SLC8A1: variants seen among roughly 807,000 people sequenced by gnomAD.
SLC8A1 encodes the protein solute carrier family 8 member A1.
In SLC8A1, 18 loss-of-function variants were observed where a neutral mutation model predicts 68.3. The observed-to-expected ratio is 0.26, with a 90% CI of 0.18 to 0.39. SLC8A1 has a LOEUF of 0.39. Ranked by LOEUF, SLC8A1 falls within the 10% of genes least tolerant of loss-of-function variation. SLC8A1 has a pLI of 1.00. For synonymous variants in SLC8A1, 475 were observed against 415.5 expected, an observed-to-expected ratio of 1.14 and a Z score of -1.74; for missense variants, 985 against 1,156.7, an observed-to-expected ratio of 0.85 and a Z score of 2.15.
intron 7 of SLC8A1, among the ~76,000 whole-genome samples, chr2:40,122,263 T>C (rs12470980): frequency 0.36 from 54,138 of 151,258 alleles, 11,298 homozygotes; most frequent in Middle Eastern, 0.51. Context: ...CTTCACTGGT[T>C]CATGTGAAAA....
chr2:40,415,923 G>A lies in SLC8A1; in HGVS notation c.1808+12550C>T, dbSNP rs144536967. Among the ~76,000 whole-genome samples, 961 of 150,104 alleles carry A rather than the reference G, an allele frequency of 6.4e-3. 14 individuals carry two copies. Among genetic ancestry groups the A allele is most frequent in the African/African-American group, 0.022 (907 of 40,530 alleles). On this transcript the variant is annotated intron_variant, in intron 2 of 7. Coordinates refer to ENST00000406785, the Ensembl canonical transcript of SLC8A1. ...ACACACACACACACATTAGCTGGGCGTGGTGGCAGGTGTCTATAATCCCAG... is the reference window on the plus strand; with the variant it reads ...ACACACACACACACATTAGCTGGGCATGGTGGCAGGTGTCTATAATCCCAG...
intron 2 of SLC8A1, among the ~76,000 whole-genome samples, chr2:40,318,242 G>A (rs1428790603): frequency 1.3e-5 from 2 of 151,938 alleles, no homozygotes; most frequent in African/African-American, 4.8e-5. Flanking sequence ...TAGAGGAATG[G>A]TTCAAAATAT....
chr2:40,325,986 T>G (rs1417360818), intron 2 of SLC8A1, among the ~76,000 whole-genome samples: 1 of 152,046 alleles, frequency 6.6e-6, no homozygotes, highest in Non-Finnish European at 1.5e-5. Context: ...ATGAGCTGCC[T>G]TCTTCACACG....
At chr2:40,431,708 G>A (rs1424401173) in intron 1 of SLC8A1, among the ~76,000 whole-genome samples, 4 of 152,106 alleles carry the variant, frequency 2.6e-5, no homozygotes, top group Non-Finnish European at 4.4e-5. Flanking sequence ...TTATGTCCTG[G>A]AAAAAGTTAA....
At chr2:40,451,823 T>C (rs1390518654) in intron 1 of SLC8A1, 81 bp downstream of exon 1, 2 of 154,704 alleles carry the variant, frequency 1.3e-5, no homozygotes, top group South Asian at 2.1e-4. Context: ...CAGAGGGAAG[T>C]GTAGCCTTAT....
At chr2:40,504,621 C>T (rs1706253367) in intron 1 of SLC8A1, among the ~76,000 whole-genome samples, 1 of 151,876 alleles carries the variant, frequency 6.6e-6, no homozygotes, top group Non-Finnish European at 1.5e-5. Context: ...GAGATACATT[C>T]TAATAATCAG....
intron 2 of SLC8A1, among the ~76,000 whole-genome samples, chr2:40,288,986 G>A (rs949721234): frequency 6.6e-5 from 10 of 151,244 alleles, no homozygotes; most frequent in African/African-American, 1.5e-4. Context: ...GGGATTAGGC[G>A]TGAGCCACTG....
chr2:40,197,987 C>G (rs778014963), intron 2 of SLC8A1, among the ~76,000 whole-genome samples: 11 of 151,786 alleles, frequency 7.2e-5, no homozygotes, highest in Non-Finnish European at 1.5e-4. Flanking sequence ...CTCCCTATAG[C>G]GACAAAGTGA....
chr2:40,143,036 T>G (rs925682085), intron 6 of SLC8A1, among the ~76,000 whole-genome samples: 1 of 152,128 alleles, frequency 6.6e-6, no homozygotes, highest in Non-Finnish European at 1.5e-5. Flanking sequence ...ATCTTAAATG[T>G]TTTAATGCAT....
chr2:40,219,362 C>T (rs1336837657), intron 2 of SLC8A1, among the ~76,000 whole-genome samples: 3 of 152,210 alleles, frequency 2.0e-5, no homozygotes, highest in African/African-American at 7.2e-5. Context: ...ACTGTCAGCA[C>T]ATGGCAAAGT....
intron 2 of SLC8A1, among the ~76,000 whole-genome samples, chr2:40,202,886 T>C (rs1295703701): frequency 2.0e-5 from 3 of 151,996 alleles, no homozygotes; most frequent in Admixed American, 6.6e-5. Context: ...ATTGCTGGCT[T>C]TTCCAGGGGA....
chr2:40,396,748 TAAAAAAAAA>T (rs368483768), intron 2 of SLC8A1, among the ~76,000 whole-genome samples: 3 of 87,086 alleles, frequency 3.4e-5, no homozygotes, highest in African/African-American at 6.2e-5. Context: ...CTCTAATAAC[TAAAAAAAAA>T]AAAAAAAAAA....
chr2:40,133,132 T>A (rs533192894), intron 7 of SLC8A1, among the ~76,000 whole-genome samples: 1 of 152,160 alleles, frequency 6.6e-6, no homozygotes, highest in East Asian at 1.9e-4. Flanking sequence ...GTCAAGAAAT[T>A]GGTTAAAGCC....
At chr2:40,121,842 C>T (rs774325332) in intron 7 of SLC8A1, among the ~76,000 whole-genome samples, 1 of 152,158 alleles carries the variant, frequency 6.6e-6, no homozygotes, top group South Asian at 2.1e-4. Flanking sequence ...TTTGACAATC[C>T]TTTGCATTTA....
At chr2:40,429,924 A>G (rs1697859637) in exon 2 of SLC8A1, 1 of 1,613,324 alleles carries the variant, frequency 6.2e-7, no homozygotes, top group Non-Finnish European at 8.5e-7. Context: ...TGGTCTCTCC[A>G]TTGGGTTTCT....
chr2:40,414,131 T>G (rs1439426550), intron 2 of SLC8A1, among the ~76,000 whole-genome samples: 1 of 152,208 alleles, frequency 6.6e-6, no homozygotes, highest in Non-Finnish European at 1.5e-5. Flanking sequence ...TTCAAGCATT[T>G]TATGAAATGA....
At chr2:40,202,832 T>C (rs1462260486) in intron 2 of SLC8A1, among the ~76,000 whole-genome samples, 2 of 152,024 alleles carry the variant, frequency 1.3e-5, no homozygotes, top group African/African-American at 2.4e-5. Context: ...CCTGCAAGCA[T>C]GTGTTCATAG....
intron 6 of SLC8A1, among the ~76,000 whole-genome samples, chr2:40,158,352 G>A (rs568070060): frequency 1.3e-5 from 2 of 152,226 alleles, no homozygotes; most frequent in South Asian, 4.1e-4. Context: ...TCATGTAATT[G>A]CGTATAATTT....
At chr2:40,292,091 A>G (rs2149235342) in intron 2 of SLC8A1, among the ~76,000 whole-genome samples, 1 of 152,240 alleles carries the variant, frequency 6.6e-6, no homozygotes, top group East Asian at 1.9e-4. Flanking sequence ...AAACCACATA[A>G]AGAGTATTAC....
Sources: gnomAD v4.1 joint callset for allele counts (sites outside exome capture counted in the v4.1 genomes callset) on GRCh38, gnomAD v4.1.1 for gene constraint, MANE v1.5 for transcripts, NCBI Gene and HGNC (gene_info 2026-07-23, HGNC 2026-07-21) for gene names.